Variants in SSBP3 observed in about 807,000 individuals in gnomAD.
SSBP3 encodes single-stranded DNA-binding protein 3.
SSBP3 carries 5 observed loss-of-function variants against 69.6 expected under a neutral mutation model. The observed-to-expected ratio is 0.07, with a 90% CI of 0.04 to 0.15. The LOEUF (loss-of-function observed/expected upper bound fraction) is 0.15. Ranked by LOEUF, SSBP3 falls within the 10% of genes least tolerant of loss-of-function variation. The pLI is 1.00. For synonymous variants in SSBP3, 196 were observed against 193.4 expected, an observed-to-expected ratio of 1.01 and a Z score of -0.11; for missense variants, 312 against 534.0, an observed-to-expected ratio of 0.58 and a Z score of 4.10.
intron 4 of SSBP3, among the ~76,000 whole-genome samples, chr1:54,321,156 G>T (rs1646205447): frequency 6.6e-6 from 1 of 152,238 alleles, no homozygotes; most frequent in Non-Finnish European, 1.5e-5. Flanking sequence ...TGACCCTGGA[G>T]AGACAGGAGA....
In SSBP3 at chr1:54,258,291, G is replaced by T. The variant is rs6683561; in HGVS notation, c.367-142C>A. 602 of 642,630 alleles carry T rather than the reference G, an allele frequency of 9.4e-4. 5 individuals carry two copies. In the African/African-American group the frequency reaches 9.4e-3, roughly 10 times the overall value. 39.8% of individuals were successfully genotyped at this position (642,630 alleles called of 1,614,324 possible). A position where few individuals can be genotyped will look rare whatever the true frequency, so the allele number is the denominator to read the frequency against. On this transcript the variant is annotated intron_variant, in intron 5 of 17. Coordinates refer to ENST00000610401, the Ensembl canonical transcript of SSBP3. The surrounding 1 kb of genome is among the most constrained non-coding windows in gnomAD (Gnocchi z 4.5). ...GGGTGGGCTCTGGTTGGTGGGAGGT[G>T]GTGGAGCTGCTGCTTTGGTCGCCGG...
chr1:54,259,063 C>T (rs1365172680), intron 5 of SSBP3, among the ~76,000 whole-genome samples: 2 of 152,046 alleles, frequency 1.3e-5, no homozygotes, highest in Admixed American at 6.5e-5. Flanking sequence ...GTGGGGACCC[C>T]GGACTGCTGG....
chr1:54,395,889 GGC>G (rs1648828236), intron 4 of SSBP3, among the ~76,000 whole-genome samples: 2 of 151,868 alleles, frequency 1.3e-5, no homozygotes, highest in East Asian at 3.9e-4. Flanking sequence ...ACCTTGCCAA[GGC>G]TACAAAAAAC....
intron 4 of SSBP3, among the ~76,000 whole-genome samples, chr1:54,305,292 T>C (rs1191241254): frequency 6.6e-6 from 1 of 152,156 alleles, no homozygotes; most frequent in Non-Finnish European, 1.5e-5. Context: ...ATATCACTGG[T>C]CCTCCAAATG....
intron 4 of SSBP3, 35 bp downstream of exon 4, chr1:54,401,826 A>G (rs1253451298): frequency 6.3e-6 from 10 of 1,575,376 alleles, no homozygotes; most frequent in African/African-American, 1.3e-5. Context: ...ATCCAACCCT[A>G]TAATTATTGC....
intron 15 of SSBP3, 123 bp downstream of exon 15, chr1:54,228,625 T>C: frequency 6.8e-7 from 1 of 1,470,552 alleles, no homozygotes; most frequent in Non-Finnish European, 9.2e-7. Context: ...CCTCTCAGGA[T>C]CGTCCTGTGT....
chr1:54,407,832 CAAACAA>C (rs1649885963), upstream of SSBP3, among the ~76,000 whole-genome samples: 1 of 147,244 alleles, frequency 6.8e-6, no homozygotes, highest in African/African-American at 2.5e-5. Context: ...TGCCTCGCAC[CAAACAA>C]TTAAAGGATA....
chr1:54,256,280 G>A (rs1644920062), intron 7 of SSBP3, among the ~76,000 whole-genome samples: 2 of 152,158 alleles, frequency 1.3e-5, no homozygotes, highest in Admixed American at 1.3e-4. Flanking sequence ...TTTTTTTGAA[G>A]GGCTTTTGCA....
intron 11 of SSBP3, among the ~76,000 whole-genome samples, 174 bp downstream of exon 11, chr1:54,241,990 C>T (rs902157924): frequency 6.6e-6 from 1 of 152,138 alleles, no homozygotes; most frequent in South Asian, 2.1e-4. Flanking sequence ...CCCTTGATGA[C>T]CCCTGCACAT....
chr1:54,247,206 G>A (rs1406505302), intron 9 of SSBP3, among the ~76,000 whole-genome samples: 5 of 152,368 alleles, frequency 3.3e-5, no homozygotes, highest in Non-Finnish European at 7.3e-5. Flanking sequence ...GGCTTTCTAG[G>A]TGCCCACTGT....
At chr1:54,315,627 T>C (rs562307674) in intron 4 of SSBP3, among the ~76,000 whole-genome samples, 1 of 151,686 alleles carries the variant, frequency 6.6e-6, no homozygotes, top group South Asian at 2.1e-4. Flanking sequence ...GGTCTTGCTC[T>C]ATCGCCCAGG....
At chr1:54,268,309 C>T (rs536086308) in intron 5 of SSBP3, among the ~76,000 whole-genome samples, 4 of 152,242 alleles carry the variant, frequency 2.6e-5, no homozygotes, top group East Asian at 1.9e-4. Context: ...CGCCGGCCTC[C>T]GCCACCGCTC....
At chr1:54,377,479 G>A (rs1473414666) in intron 4 of SSBP3, among the ~76,000 whole-genome samples, 1 of 152,224 alleles carries the variant, frequency 6.6e-6, no homozygotes, top group Non-Finnish European at 1.5e-5. Context: ...AAAGAGCAGG[G>A]TCACACAGGT....
intron 4 of SSBP3, among the ~76,000 whole-genome samples, chr1:54,341,133 G>A (rs1357414255): frequency 6.6e-6 from 1 of 152,152 alleles, no homozygotes; most frequent in Non-Finnish European, 1.5e-5. Flanking sequence ...CTCTCTTTCC[G>A]CAATTAAACT....
At chr1:54,246,982 T>C (rs996236624) in intron 9 of SSBP3, among the ~76,000 whole-genome samples, 3 of 152,192 alleles carry the variant, frequency 2.0e-5, no homozygotes, top group Non-Finnish European at 4.4e-5. Context: ...ACCAACCAGG[T>C]ATCCCTCTGC....
At chr1:54,339,387 T>A (rs1350466542) in intron 4 of SSBP3, among the ~76,000 whole-genome samples, 1 of 152,202 alleles carries the variant, frequency 6.6e-6, no homozygotes, top group Admixed American at 6.5e-5. Context: ...AAGCGTGAGC[T>A]CTGAAATTAA....
At chr1:54,309,550 T>C (rs769644066) in intron 4 of SSBP3, among the ~76,000 whole-genome samples, 20 of 152,324 alleles carry the variant, frequency 1.3e-4, no homozygotes, top group Middle Eastern at 6.8e-3. Flanking sequence ...CATTTGTCCT[T>C]TGCACACAGT....
chr1:54,226,915 CCTT>C (rs1644294045), exon 18 of SSBP3: 2 of 574,050 alleles, frequency 3.5e-6, no homozygotes, highest in South Asian at 1.9e-5. Flanking sequence ...AGAGTTTTGT[CCTT>C]CTTGTTTTAT....
At chr1:54,262,260 G>A (rs141764492) in intron 5 of SSBP3, among the ~76,000 whole-genome samples, 3 of 152,150 alleles carry the variant, frequency 2.0e-5, no homozygotes, top group African/African-American at 7.2e-5. Context: ...TATTGCCAAG[G>A]AACTGAGGCT....
Sources: allele counts gnomAD v4.1 joint callset (sites outside exome capture counted in the v4.1 genomes callset), GRCh38; gene constraint gnomAD v4.1.1; non-coding constraint Gnocchi (gnomAD v3.1); transcripts MANE v1.5; gene names NCBI Gene and HGNC (gene_info 2026-07-23, HGNC 2026-07-21).